Variants in TMEM38B observed in about 807,000 individuals in gnomAD.
TMEM38B encodes the protein trimeric intracellular cation channel type B.
Under a neutral mutation model 28.7 loss-of-function variants are expected in TMEM38B, and 24 were observed. The ratio of observed to expected loss-of-function variants is 0.84; its 90% confidence interval spans 0.61 to 1.18. The LOEUF (loss-of-function observed/expected upper bound fraction) is 1.18. Among genes scored for constraint, TMEM38B ranks in the 50% most tolerant of loss-of-function variants. The pLI is 0.00. For synonymous variants in TMEM38B, 131 were observed against 127.7 expected (o/e 1.03, Z -0.17); for missense variants, 380 against 350.9 (o/e 1.08, Z -0.66).
chr9:105,701,755 G>A (rs1028712587), intron 1 of TMEM38B: 1 of 152,116 alleles, frequency 6.6e-6, no homozygotes, highest in Non-Finnish European at 1.5e-5. Context: ...AATACCTAGG[G>A]GCTTCTATGT....
chr9:105,729,896 A>G (rs1836666770), intron 4 of TMEM38B, among the ~76,000 whole-genome samples: 1 of 152,178 alleles, frequency 6.6e-6, no homozygotes. Context: ...CTTGGTGTAC[A>G]GGAATGCTTG....
At chr9:105,750,196 A>G (rs1205586690) in intron 5 of TMEM38B, among the ~76,000 whole-genome samples, 1 of 152,036 alleles carries the variant, frequency 6.6e-6, no homozygotes, top group African/African-American at 2.4e-5. Context: ...ATTTTGTTTT[A>G]GTGTTGAGTT....
intron 4 of TMEM38B, among the ~76,000 whole-genome samples, chr9:105,747,134 T>C (rs1422376190): frequency 2.0e-5 from 3 of 152,204 alleles, no homozygotes. Context: ...TTGATTGCTA[T>C]AGTTTCAGAA....
At chr9:105,716,633 G>C (rs74201506) in intron 2 of TMEM38B, among the ~76,000 whole-genome samples, 27,365 of 151,842 alleles carry the variant, frequency 0.18, 3,535 homozygotes, top group East Asian at 0.46. Flanking sequence ...TTTGAACTGT[G>C]TGAATCCACT....
chr9:105,736,866 A>G (rs761345583), intron 4 of TMEM38B, among the ~76,000 whole-genome samples: 2 of 152,218 alleles, frequency 1.3e-5, no homozygotes, highest in East Asian at 1.9e-4. Flanking sequence ...ACTATAATCA[A>G]TGTCATTGAT....
chr9:105,732,310 T>C (rs1266730746), intron 4 of TMEM38B, among the ~76,000 whole-genome samples: 2 of 152,228 alleles, frequency 1.3e-5, no homozygotes, highest in South Asian at 2.1e-4. Flanking sequence ...CTCTTGAGTT[T>C]AATTAGATCC....
chr9:105,758,878 A>T, intron 5 of TMEM38B: 1 of 1,032,012 alleles, frequency 9.7e-7, no homozygotes, highest in Non-Finnish European at 1.5e-6. Context: ...AGCCAGGAAG[A>T]TGTTGAAGAA....
intron 4 of TMEM38B, among the ~76,000 whole-genome samples, chr9:105,740,661 C>A (rs538946349): frequency 1.3e-5 from 2 of 152,246 alleles, no homozygotes; most frequent in East Asian, 3.9e-4. Flanking sequence ...AAAATCTAGT[C>A]CTGCCAAAAA....
chr9:105,761,671 C>A (rs185687703), intron 5 of TMEM38B, among the ~76,000 whole-genome samples: 1 of 152,270 alleles, frequency 6.6e-6, no homozygotes, highest in Admixed American at 6.5e-5. Context: ...GAACAGGTCT[C>A]TAAGCTAGTG....
intron 4 of TMEM38B, among the ~76,000 whole-genome samples, chr9:105,730,539 G>A (rs1002425383): frequency 1.3e-5 from 2 of 152,064 alleles, no homozygotes; most frequent in Admixed American, 6.6e-5. Context: ...CTCTTTATTC[G>A]TTGTTGCCAG....
chr9:105,759,703 C>A (rs1837964342), intron 5 of TMEM38B: 3 of 1,598,168 alleles, frequency 1.9e-6, no homozygotes, highest in Non-Finnish European at 2.6e-6. Context: ...TAAGCCCAAA[C>A]AGGAATTCCT....
At chr9:105,723,657 A>G (rs989130720) in intron 4 of TMEM38B, among the ~76,000 whole-genome samples, 1 of 152,080 alleles carries the variant, frequency 6.6e-6, no homozygotes, top group African/African-American at 2.4e-5. Flanking sequence ...TTGGCCTCCA[A>G]AAGTGCTGGG....
At chr9:105,765,601 A>G (rs1826346217) in intron 5 of TMEM38B, among the ~76,000 whole-genome samples, 1 of 152,048 alleles carries the variant, frequency 6.6e-6, no homozygotes, top group Non-Finnish European at 1.5e-5. Context: ...TATAGTATGT[A>G]CTCATTTTGT....
intron 2 of TMEM38B, among the ~76,000 whole-genome samples, chr9:105,718,139 A>C (rs1207468896): frequency 1.6e-4 from 24 of 152,178 alleles, no homozygotes; most frequent in Non-Finnish European, 3.2e-4. Flanking sequence ...AGAGATCCTT[A>C]AATATAAAAA....
At chr9:105,749,374 C>T (rs1837559714) in intron 5 of TMEM38B, 1 of 191,862 alleles carries the variant, frequency 5.2e-6, no homozygotes, top group African/African-American at 2.4e-5. Context: ...GCACATCTTA[C>T]ATGGTGGCAG....
chr9:105,764,976 TG>T (rs1826315832), intron 5 of TMEM38B, among the ~76,000 whole-genome samples: 1 of 152,108 alleles, frequency 6.6e-6, no homozygotes, highest in Non-Finnish European at 1.5e-5. Context: ...AAACAAGCAA[TG>T]GGGGAAGGAT....
rs1182254386 is a variant in TMEM38B at position 105,748,264 on chromosome 9, G to C, written c.660+74G>C. ...CCCCTTTGATACAATTTTGCATGCT[G>C]GGCAAGTAAGAGGAACATTTATTTA... On this transcript the variant is annotated intron_variant, in intron 5 of 5. Coordinates refer to ENST00000374692, the MANE Select transcript of TMEM38B (RefSeq NM_018112.3). 2.8e-6 allele frequency: 3 copies of C among 1,060,502 alleles called. No individual in the cohort carries two copies. The African/African-American group carries it at 4.8e-5, about 17-fold the overall frequency. The allele number at this position is 1,060,502 out of a possible 1,614,324, so 65.7% of individuals were successfully genotyped here. A position where few individuals can be genotyped will look rare whatever the true frequency, so the allele number is the denominator to read the frequency against.
chr9:105,725,343 T>C (rs1368965099), intron 4 of TMEM38B, among the ~76,000 whole-genome samples: 1 of 150,808 alleles, frequency 6.6e-6, no homozygotes, highest in Admixed American at 6.7e-5. Flanking sequence ...CTCTTTTGAA[T>C]GCTCTTGTGT....
chr9:105,719,255 A>G (rs1211511358), intron 2 of TMEM38B, among the ~76,000 whole-genome samples: 1 of 152,148 alleles, frequency 6.6e-6, no homozygotes, highest in East Asian at 1.9e-4. Flanking sequence ...CTCTCCATTA[A>G]CTTAACCTAT....
Sources: gnomAD v4.1 joint callset for allele counts (sites outside exome capture counted in the v4.1 genomes callset) on GRCh38, gnomAD v4.1.1 for gene constraint, MANE v1.5 for transcripts, NCBI Gene and HGNC (gene_info 2026-07-23, HGNC 2026-07-21) for gene names.